PPP1R10: variants seen among roughly 807,000 people sequenced by gnomAD.
PPP1R10 encodes protein phosphatase 1 regulatory subunit 10, also known as serine/threonine-protein phosphatase 1 regulatory subunit 10.
PPP1R10 carries 15 observed loss-of-function variants against 99.0 expected under a neutral mutation model. The observed-to-expected ratio is 0.15, with a 90% confidence interval of 0.10 to 0.23. PPP1R10 has a LOEUF of 0.23. Ranked by LOEUF, PPP1R10 falls within the 10% of genes least tolerant of loss-of-function variation. The pLI is 1.00. For synonymous variants in PPP1R10, 430 were observed against 449.5 expected (o/e 0.96, Z 0.55); for missense variants, 947 against 1,259.4 (o/e 0.75, Z 3.75).
Position 30,616,461 on chromosome 6 carries a change from G to A in PPP1R10, c.-12+17C>T, listed in dbSNP as rs1346663399. ...ATTTCTTGTTGCAAGGCTGGTTTTT[G>A]AAAATTCGACACTTACTATCCAATT... On this transcript the variant is annotated intron_variant, in intron 2 of 19. Transcript: ENST00000376511. The A allele has an allele frequency of 6.6e-6, 1 of 152,468 alleles. No individual in the cohort carries two copies. Among genetic ancestry groups the A allele is most frequent in the East Asian group, 1.9e-4 (1 of 5,198 alleles). The allele number at this position is 152,468 out of a possible 1,614,324, so 9.4% of individuals were successfully genotyped here.
chr6:30,602,341 G>A lies in PPP1R10; in HGVS notation c.2308C>T (p.His770Tyr). 1.2e-6 allele frequency: 2 copies of A among 1,612,414 alleles called. No individual in the cohort carries two copies. Among genetic ancestry groups the A allele is most frequent in the East Asian group, 2.2e-5 (1 of 44,792 alleles). Residue 770 changes from histidine to tyrosine, a missense_variant, in exon 19 of 20, where the codon CAC becomes TAC. His to Tyr is a moderately conservative substitution (Grantham distance 83, BLOSUM62 2). Around this residue, in one of 10 missense-constraint regions of PPP1R10, gnomAD observed 525 missense variants for 578.8 expected, o/e 0.91. Coordinates refer to ENST00000376511, the MANE Select transcript of PPP1R10 (RefSeq NM_002714.4). This position sits in a 1 kb window ranked among gnomAD's most constrained non-coding sequence, Gnocchi z 6.7. ...CCCATGCCACCGCCAGGGCCTTCGT[G>A]GGGACGATGTCCACTGCTGTTGCCC... Reference protein sequence around the residue: ...GMGNSSGHRPHEGPGGGMGSG... With the variant: ...GMGNSSGHRPYEGPGGGMGSG...
intron 2 of PPP1R10, among the ~76,000 whole-genome samples, chr6:30,611,276 C>G (rs751942751): frequency 5.6e-4 from 85 of 152,266 alleles, no homozygotes; most frequent in Non-Finnish European, 1.1e-3. Flanking sequence ...TGCCACTGCA[C>G]TCCAGCCTGA....
chr6:30,605,171 T>G (rs905527543), intron 10 of PPP1R10, 77 bp from the exon 11 acceptor site: 1 of 1,346,796 alleles, frequency 7.4e-7, no homozygotes, highest in Non-Finnish European at 1.0e-6. Context: ...AGTCCAGGCA[T>G]AAAATGAGCC....
intron 5 of PPP1R10, 150 bp downstream of exon 5, chr6:30,608,629 C>G (rs1804218081): frequency 9.2e-7 from 1 of 1,084,312 alleles, no homozygotes; most frequent in African/African-American, 1.6e-5. Flanking sequence ...GAGATAAATT[C>G]AAACCAAGTC....
chr6:30,604,771 G>A lies in PPP1R10; in HGVS notation c.955-36C>T. On this transcript the variant is annotated intron_variant, in intron 11 of 19. Coordinates refer to ENST00000376511, the MANE Select transcript of PPP1R10 (RefSeq NM_002714.4). This position sits in a 1 kb window ranked among gnomAD's most constrained non-coding sequence, Gnocchi z 7.3. ...AGAAAAGGAAGTTAATGAACTGACT[G>A]GAAAGCCAAGGGCAAGGCAATTAGT... The A allele has an allele frequency of 6.2e-7, 1 of 1,612,364 alleles. No homozygotes were observed. The highest frequency in any genetic ancestry group is 1.1e-5 in the South Asian group (1 of 91,066).
chr6:30,602,192 A>G lies in PPP1R10; in HGVS notation c.2457T>C (p.Pro819=). The part of the protein sequence containing the change: ...GGSGHRPHEG[P]GGGMGAGGGH... ...CACCACCGGCACCCATTCCTCCGCC[A>G]GGGCCTTCATGGGGACGATGGCCAC... Residue 819 remains proline (P), a synonymous_variant, in exon 19 of 20, where the codon CCT becomes CCC. Transcript: ENST00000376511. The surrounding 1 kb of genome is among the most constrained non-coding windows in gnomAD (Gnocchi z 6.7). 1 of 1,610,920 alleles carries G rather than the reference A, an allele frequency of 6.2e-7. No homozygotes were observed. The highest frequency in any genetic ancestry group is 8.5e-7 in the Non-Finnish European group (1 of 1,179,148).
rs570457598 is a variant in PPP1R10 at position 30,603,620 on chromosome 6, C to G, written c.1619G>C (p.Gly540Ala). Residue 540 changes from glycine to alanine, a missense_variant, in exon 16 of 20, where the codon GGG becomes GCG. Transcript: ENST00000376511. Reference protein sequence around the residue: ...ETPYVETLEPGGSGGSPDGAG... With the variant: ...ETPYVETLEPAGSGGSPDGAG... ...CCCATCAGGTGAGCCACCTGACCCCCCAGGTTCCAGAGTCTCAACATACGG... is the reference window on the plus strand; with the variant it reads ...CCCATCAGGTGAGCCACCTGACCCCGCAGGTTCCAGAGTCTCAACATACGG... 8.1e-6 allele frequency: 13 copies of G among 1,613,414 alleles called. No individual in the cohort carries two copies. Among genetic ancestry groups the G allele is most frequent in the South Asian group, 1.1e-5 (1 of 91,012 alleles).
chr6:30,611,845 A>G (rs1264176055), intron 2 of PPP1R10, among the ~76,000 whole-genome samples: 1 of 152,206 alleles, frequency 6.6e-6, no homozygotes, highest in Non-Finnish European at 1.5e-5. Context: ...AAAACATTCA[A>G]GGAGAATACT....
intron 2 of PPP1R10, 112 bp from the exon 3 acceptor site, chr6:30,610,067 A>G: frequency 1.4e-6 from 1 of 691,860 alleles, no homozygotes. Context: ...TATAATGACT[A>G]ATTATTCAAC....
chr6:30,606,271 C>A lies in PPP1R10; in HGVS notation c.635-28G>T. ...GGGGAAAGAAGCACGGTGTGGGCAG[C>A]TGAACTCAAACCCCAGACCCCCGAA... On this transcript the variant is annotated intron_variant, in intron 8 of 19. Coordinates refer to ENST00000376511, the MANE Select transcript of PPP1R10 (RefSeq NM_002714.4). This position sits in a 1 kb window ranked among gnomAD's most constrained non-coding sequence, Gnocchi z 6.3. The A allele has an allele frequency of 6.2e-7, 1 of 1,610,150 alleles. No homozygotes were observed.
Position 30,604,435 on chromosome 6 carries a change from G to A in PPP1R10, c.1179C>T (p.Gly393=). 6.2e-7 allele frequency: 1 copy of A among 1,613,244 alleles called. No individual in the cohort carries two copies. The highest frequency in any genetic ancestry group is 1.3e-5 in the African/African-American group (1 of 74,992). ...GCCATGTCACACTTTTCCTCTTCCT[G>A]CCTTTCCGGGTCAGTTGGTTAGGAT... ...PGDPNQLTRK[G]RKRKSVTWPE... is the part of the protein sequence containing the mutation. Residue 393 remains glycine, a synonymous_variant, in exon 13 of 20, where the codon GGC becomes GGT. Coordinates refer to ENST00000376511, the MANE Select transcript of PPP1R10 (RefSeq NM_002714.4). The surrounding 1 kb of genome is among the most constrained non-coding windows in gnomAD (Gnocchi z 7.3).
At chr6:30,605,548 G>A (rs966847367) in intron 10 of PPP1R10, among the ~76,000 whole-genome samples, 5 of 152,116 alleles carry the variant, frequency 3.3e-5, no homozygotes, top group Non-Finnish European at 4.4e-5. Context: ...CTCGTTCCCA[G>A]GGACATTCAT....
At chr6:30,610,264 G>T (rs1237737746) in intron 2 of PPP1R10, among the ~76,000 whole-genome samples, 1 of 152,102 alleles carries the variant, frequency 6.6e-6, no homozygotes, top group Non-Finnish European at 1.5e-5. Flanking sequence ...AACTTCACTA[G>T]ATCGTATTAA....
chr6:30,602,611 A>G lies in PPP1R10; in HGVS notation c.2038T>C (p.Trp680Arg). Reference protein sequence around the residue: ...PPPPRGGDPFWDGPGDPMRGG... With the variant: ...PPPPRGGDPFRDGPGDPMRGG... ...CGCATAGGGTCGCCCGGGCCATCCC[A>G]GAAGGGATCACCTCCCCGGGGAGGG... The change falls in exon 19 of 20, where the codon TGG (tryptophan) becomes CGG (arginine). Residue 680 changes from tryptophan (W) to arginine (R), a missense_variant. Trp to Arg is a moderately radical substitution (Grantham distance 101, BLOSUM62 -3). Around this residue, in one of 10 missense-constraint regions of PPP1R10, gnomAD observed 525 missense variants for 578.8 expected, o/e 0.91. Coordinates refer to ENST00000376511, the MANE Select transcript of PPP1R10 (RefSeq NM_002714.4). The surrounding 1 kb of genome is among the most constrained non-coding windows in gnomAD (Gnocchi z 6.7). 1 of 1,586,422 alleles carries G rather than the reference A, an allele frequency of 6.3e-7. No individual in the cohort carries two copies. The highest frequency in any genetic ancestry group is 8.6e-7 in the Non-Finnish European group (1 of 1,168,982).
At position 30,604,957 on chromosome 6, in the gene PPP1R10, T is replaced by C; in HGVS notation, c.954+37A>G. 1 of 1,596,378 alleles carries C rather than the reference T, an allele frequency of 6.3e-7. No homozygotes were observed. Among genetic ancestry groups the C allele is most frequent in the Non-Finnish European group, 8.6e-7 (1 of 1,164,950 alleles). ...GCCCTTTCTTCTACTTTACCTTTTA[T>C]ACTCTGTCACTGAAACCTACTTCTG... is the stretch of plus-strand genomic sequence containing the variant. On this transcript the variant is annotated intron_variant, in intron 11 of 19. Coordinates refer to ENST00000376511, the MANE Select transcript of PPP1R10 (RefSeq NM_002714.4). The surrounding 1 kb of genome is among the most constrained non-coding windows in gnomAD (Gnocchi z 7.3).
chr6:30,602,239 C>G lies in PPP1R10; in HGVS notation c.2410G>C (p.Gly804Arg). 2 of 1,612,268 alleles carry G rather than the reference C, an allele frequency of 1.2e-6. No homozygotes were observed. Among genetic ancestry groups the G allele is most frequent in the Non-Finnish European group, 1.7e-6 (2 of 1,179,532 alleles). ...CCACTGCCACCACTGATGCCACCGC[C>G]AGGGCCTTCGTGGGGACGATGTCCT... The part of the protein sequence containing the change: ...GGGHRPHEGP[G>R]GGISGGSGHR... Residue 804 changes from glycine (G) to arginine (R), a missense_variant, in exon 19 of 20, where the codon GGC becomes CGC. Gly to Arg is a moderately radical substitution (Grantham distance 125, BLOSUM62 -2). This residue lies in a region of PPP1R10 where 525 missense variants were observed against 578.8 expected (regional missense o/e 0.91). Coordinates refer to ENST00000376511, the MANE Select transcript of PPP1R10 (RefSeq NM_002714.4). This position sits in a 1 kb window ranked among gnomAD's most constrained non-coding sequence, Gnocchi z 6.7.
At chr6:30,614,787 G>GA (rs1760280499) in intron 2 of PPP1R10, among the ~76,000 whole-genome samples, 1 of 152,046 alleles carries the variant, frequency 6.6e-6, no homozygotes, top group Non-Finnish European at 1.5e-5. Context: ...CTGAAGTGGG[G>GA]AAAAATTACA....
In PPP1R10 at chr6:30,609,161, A is replaced by C; in HGVS notation, c.110T>G (p.Leu37Trp). The change falls in exon 4 of 20, where the codon TTG (leucine) becomes TGG (tryptophan). Residue 37 changes from leucine to tryptophan, a missense_variant and splice_region_variant. This residue lies in a region of PPP1R10 where 82 missense variants were observed against 117.3 expected (regional missense o/e 0.70). Coordinates refer to ENST00000376511, the MANE Select transcript of PPP1R10 (RefSeq NM_002714.4). This position sits in a 1 kb window ranked among gnomAD's most constrained non-coding sequence, Gnocchi z 4.5. ...SVDGISKIFSLMKEARKMVSR... is the reference protein window; with the variant it reads ...SVDGISKIFSWMKEARKMVSR... ...CACCATCTTTCGTGCTTCCTTCATC[A>C]AACTGCAGAAGATGAGTTAGGGTTA... 6.2e-7 allele frequency: 1 copy of C among 1,613,108 alleles called. No individual in the cohort carries two copies. Among genetic ancestry groups the C allele is most frequent in the Non-Finnish European group, 8.5e-7 (1 of 1,180,004 alleles).
chr6:30,613,442 T>C (rs993314299), intron 2 of PPP1R10, among the ~76,000 whole-genome samples: 6 of 152,242 alleles, frequency 3.9e-5, no homozygotes, highest in Admixed American at 1.3e-4. Flanking sequence ...TCTTCAGTGT[T>C]TTAGGCACTT....
Sources: gnomAD v4.1 joint callset for allele counts (sites outside exome capture counted in the v4.1 genomes callset) on GRCh38, gnomAD v4.1.1 for gene constraint, gnomAD v4.1.1 regional missense constraint, Gnocchi (gnomAD v3.1) non-coding constraint, MANE v1.5 for transcripts, NCBI Gene and HGNC (gene_info 2026-07-23, HGNC 2026-07-21) for gene names.